The following ROBO2 variants were observed in gnomAD, a reference collection of about 807,000 sequenced individuals.
ROBO2 encodes the protein roundabout guidance receptor 2, also known as roundabout homolog 2.
A neutral mutation model predicts 160.8 loss-of-function variants in ROBO2; 53 were observed. The observed-to-expected ratio is 0.33, with a 90% confidence interval of 0.26 to 0.41. ROBO2 has a LOEUF of 0.41. ROBO2 is among the 10% of genes least tolerant of loss of function. The pLI is 1.00. For missense variants in ROBO2, 1,577 were observed against 1,722.4 expected (o/e 0.92, Z 1.49); for synonymous variants, 664 against 611.7 (o/e 1.09, Z -1.26).
intron 2 of ROBO2, among the ~76,000 whole-genome samples, chr3:76,032,034 G>C (rs1007840850): frequency 6.6e-6 from 1 of 152,084 alleles, no homozygotes; most frequent in African/African-American, 2.4e-5. Flanking sequence ...CAATTTTAGA[G>C]CCTGTTATTG....
chr3:76,301,417 T>C (rs1007613037), intron 2 of ROBO2, among the ~76,000 whole-genome samples: 2 of 152,114 alleles, frequency 1.3e-5, no homozygotes, highest in Non-Finnish European at 2.9e-5. Flanking sequence ...TTATATAACT[T>C]GAAGTATTTA....
At chr3:77,329,276 G>A (rs763425939) in intron 2 of ROBO2, among the ~76,000 whole-genome samples, 8 of 152,174 alleles carry the variant, frequency 5.3e-5, no homozygotes, top group Non-Finnish European at 8.8e-5. Flanking sequence ...TCTTCTAGAC[G>A]GATACGTGTG....
intron 2 of ROBO2, among the ~76,000 whole-genome samples, chr3:77,034,595 A>AT (rs374467184): frequency 1.4e-4 from 22 of 151,956 alleles, no homozygotes; most frequent in African/African-American, 4.1e-4. Flanking sequence ...AGAATAAGCA[A>AT]TTTTTTTCTA....
chr3:77,562,262 C>T (rs887854701), intron 9 of ROBO2, among the ~76,000 whole-genome samples: 1 of 152,002 alleles, frequency 6.6e-6, no homozygotes, highest in African/African-American at 2.4e-5. Flanking sequence ...ATTACTGCTT[C>T]TCTGGAATTT....
intron 2 of ROBO2, among the ~76,000 whole-genome samples, chr3:76,944,957 C>G (rs1348361540): frequency 6.6e-6 from 1 of 151,790 alleles, no homozygotes; most frequent in Non-Finnish European, 1.5e-5. Context: ...GGCGCGATCT[C>G]AGCTCACTGC....
Position 76,569,168 on chromosome 3 carries a change from C to G in ROBO2, c.110-528846C>G, listed in dbSNP as rs573076248. 2.6e-5 allele frequency among the ~76,000 whole-genome samples: 4 copies of G among 152,170 alleles called. No homozygotes were observed. The East Asian group carries it at 7.7e-4, about 29-fold the overall frequency. On this transcript the variant is annotated intron_variant, in intron 2 of 26. Transcript: ENST00000487694. ...TAAACATGATCATCAAGACTGAAGA[C>G]AGTTTGGAGACAGGTACAAAGCCAC... is the stretch of plus-strand genomic sequence containing the variant.
At chr3:76,418,348 C>G (rs1353186604) in intron 2 of ROBO2, among the ~76,000 whole-genome samples, 1 of 151,796 alleles carries the variant, frequency 6.6e-6, no homozygotes, top group Non-Finnish European at 1.5e-5. Flanking sequence ...TCAAGCAATT[C>G]TCCTGCCTCA....
At chr3:76,295,101 G>A (rs1020925692) in intron 2 of ROBO2, among the ~76,000 whole-genome samples, 1 of 152,068 alleles carries the variant, frequency 6.6e-6, no homozygotes, top group Non-Finnish European at 1.5e-5. Flanking sequence ...CTTTTAGGAA[G>A]GATACTTGGG....
At chr3:76,717,289 C>T (rs2093395238) in intron 2 of ROBO2, among the ~76,000 whole-genome samples, 1 of 151,710 alleles carries the variant, frequency 6.6e-6, no homozygotes, top group Non-Finnish European at 1.5e-5. Flanking sequence ...GTCAGGAGTT[C>T]AAGACCAGAC....
At chr3:76,941,568 T>C (rs541338691) in intron 2 of ROBO2, among the ~76,000 whole-genome samples, 1 of 152,330 alleles carries the variant, frequency 6.6e-6, no homozygotes, top group Non-Finnish European at 1.5e-5. Flanking sequence ...TGCATGTTGA[T>C]GCATGATGTA....
intron 2 of ROBO2, among the ~76,000 whole-genome samples, chr3:77,341,736 A>G (rs2067083153): frequency 6.6e-6 from 1 of 152,170 alleles, no homozygotes; most frequent in South Asian, 2.1e-4. Flanking sequence ...CTTAGCATCT[A>G]AAACAACACA....
intron 2 of ROBO2, among the ~76,000 whole-genome samples, chr3:77,030,731 A>G (rs982335572): frequency 6.6e-6 from 1 of 152,174 alleles, no homozygotes; most frequent in Non-Finnish European, 1.5e-5. Flanking sequence ...TAGCTTATGT[A>G]TCTCTGTCCA....
At chr3:76,447,848 C>T (rs2077271145) in intron 2 of ROBO2, among the ~76,000 whole-genome samples, 1 of 134,188 alleles carries the variant, frequency 7.5e-6, no homozygotes. Flanking sequence ...ACAATGAGAA[C>T]ACTTGGGCAC....
chr3:76,134,276 T>TTTC (rs1359953250), intron 2 of ROBO2, among the ~76,000 whole-genome samples: 3 of 151,174 alleles, frequency 2.0e-5, no homozygotes, highest in African/African-American at 7.3e-5. Flanking sequence ...TACTTTTTTT[T>TTTC]TCTCTCTCTC....
chr3:77,499,675 G>A (rs1295704912), intron 5 of ROBO2, among the ~76,000 whole-genome samples: 1 of 140,690 alleles, frequency 7.1e-6, no homozygotes, highest in Non-Finnish European at 1.5e-5. Context: ...TTTTGACGGA[G>A]TCTTACTCTG....
intron 2 of ROBO2, among the ~76,000 whole-genome samples, chr3:77,023,605 T>C (rs2062774386): frequency 6.6e-6 from 1 of 152,234 alleles, no homozygotes; most frequent in African/African-American, 2.4e-5. Flanking sequence ...CATATTTTAG[T>C]ACTTTTAGAG....
At chr3:77,024,494 C>T (rs2062829446) in intron 2 of ROBO2, among the ~76,000 whole-genome samples, 1 of 152,102 alleles carries the variant, frequency 6.6e-6, no homozygotes, top group African/African-American at 2.4e-5. Flanking sequence ...ATTCCATGAA[C>T]ATAAGCATAT....
chr3:77,198,129 A>G (rs1397853496), intron 2 of ROBO2, among the ~76,000 whole-genome samples: 1 of 152,198 alleles, frequency 6.6e-6, no homozygotes, highest in Non-Finnish European at 1.5e-5. Context: ...ATCGATTACT[A>G]CGGGCACAGT....
chr3:76,966,355 G>A (rs1302000805), intron 2 of ROBO2, among the ~76,000 whole-genome samples: 1 of 152,138 alleles, frequency 6.6e-6, no homozygotes, highest in Non-Finnish European at 1.5e-5. Context: ...AGATTTACCT[G>A]TTATTTCATT....
Sources: gnomAD v4.1 joint callset for allele counts (sites outside exome capture counted in the v4.1 genomes callset) on GRCh38, gnomAD v4.1.1 for gene constraint, MANE v1.5 for transcripts, NCBI Gene and HGNC (gene_info 2026-07-23, HGNC 2026-07-21) for gene names.